CFAP97D2: variants seen among roughly 807,000 people sequenced by gnomAD.
The protein encoded by CFAP97D2 is CFAP97 domain containing 2.
chr13:114,190,550 C>T (rs2080865853), intron 1 of CFAP97D2, among the ~76,000 whole-genome samples: 1 of 151,844 alleles, frequency 6.6e-6, no homozygotes, highest in Non-Finnish European at 1.5e-5. Flanking sequence ...ATATTAGCAC[C>T]CAAAAAGTGA....
At position 114,203,757 on chromosome 13, in the gene CFAP97D2, C is replaced by T. The variant is rs61482428; in HGVS notation, c.290+3314C>T. Among the ~76,000 whole-genome samples, 5 of 152,142 alleles carry T rather than the reference C, an allele frequency of 3.3e-5. No individual in the cohort carries two copies. The highest frequency in any genetic ancestry group is 3.9e-4 in the East Asian group (2 of 5,184). ...CGTGGCTTCACCCGTTTCCCCAGTG[C>T]GCATGTGGGCATGTGCAGACAAGGC... On this transcript the variant is annotated intron_variant, in intron 3 of 4. Transcript: ENST00000646158. The surrounding 1 kb of genome is among the most constrained non-coding windows in gnomAD (Gnocchi z 4.3).
chr13:114,219,715 A>G (rs756641291), intron 4 of CFAP97D2, among the ~76,000 whole-genome samples: 2 of 152,190 alleles, frequency 1.3e-5, no homozygotes, highest in Admixed American at 6.5e-5. Context: ...TGCCTCCCCC[A>G]CTGCCCTGTA....
At position 114,196,582 on chromosome 13, in the gene CFAP97D2, C is replaced by T. The variant is rs1327681688; in HGVS notation, c.171+106C>T. 25 of 396,258 alleles carry T rather than the reference C, an allele frequency of 6.3e-5. 1 individual carries two copies. Among genetic ancestry groups the T allele is most frequent in the East Asian group, 3.2e-4 (9 of 28,000 alleles). The allele number at this position is 396,258 out of a possible 1,614,324, so 24.5% of individuals were successfully genotyped here. The stretch of plus-strand genomic sequence containing the variant: ...CAGGGTTAGTAAGGAATAAACTCAC[C>T]GAAGACAAAATGCAGTCTAGGTGAT... On this transcript the variant is annotated intron_variant, in intron 2 of 4. Coordinates refer to ENST00000646158, the Ensembl canonical transcript of CFAP97D2.
chr13:114,188,742 A>G (rs1393148508), intron 1 of CFAP97D2, among the ~76,000 whole-genome samples: 3 of 150,186 alleles, frequency 2.0e-5, no homozygotes, highest in Non-Finnish European at 4.4e-5. Context: ...GCGCCACTGC[A>G]CTCCAGCCTG....
intron 1 of CFAP97D2, among the ~76,000 whole-genome samples, chr13:114,182,450 C>CTT (rs2080838472): frequency 2.0e-5 from 3 of 151,996 alleles, no homozygotes; most frequent in Non-Finnish European, 4.4e-5. Context: ...CTGCAAGAGG[C>CTT]CTTCCTCTTT....
At chr13:114,200,565 G>A (rs1229767506) in intron 3 of CFAP97D2, 122 bp downstream of exon 3, 1 of 392,062 alleles carries the variant, frequency 2.6e-6, no homozygotes, top group Non-Finnish European at 4.5e-6. Flanking sequence ...GTCCTCTCCC[G>A]AAAACAGCCA....
At chr13:114,197,774 C>A (rs1197658155) in intron 2 of CFAP97D2, among the ~76,000 whole-genome samples, 2 of 152,154 alleles carry the variant, frequency 1.3e-5, no homozygotes, top group Non-Finnish European at 2.9e-5. Context: ...CCTCTGCCTC[C>A]CAGGTGCAAG....
intron 3 of CFAP97D2, among the ~76,000 whole-genome samples, chr13:114,202,848 T>C (rs987958132): frequency 2.6e-5 from 4 of 152,108 alleles, no homozygotes; most frequent in African/African-American, 7.2e-5. Context: ...AGGCATTGGT[T>C]CCATGCTGGG....
intron 3 of CFAP97D2, among the ~76,000 whole-genome samples, chr13:114,206,569 A>G (rs1192900030): frequency 6.6e-6 from 1 of 152,252 alleles, no homozygotes; most frequent in Non-Finnish European, 1.5e-5. Context: ...GAAAGAAGGC[A>G]GTCACAAAAG....
chr13:114,182,225 G>A (rs185985925), intron 1 of CFAP97D2, among the ~76,000 whole-genome samples: 5,966 of 135,542 alleles, frequency 0.044, 292 homozygotes, highest in Non-Finnish European at 0.063. Flanking sequence ...TACTATGCCT[G>A]GATGTGCACG....
intron 1 of CFAP97D2, among the ~76,000 whole-genome samples, chr13:114,194,594 C>T (rs1433176485): frequency 6.6e-6 from 1 of 151,952 alleles, no homozygotes; most frequent in Non-Finnish European, 1.5e-5. Context: ...GCACTCATTT[C>T]CCCCCCAAGA....
intron 3 of CFAP97D2, among the ~76,000 whole-genome samples, chr13:114,204,666 T>G (rs191537424): frequency 6.6e-6 from 1 of 152,028 alleles, no homozygotes; most frequent in Admixed American, 6.5e-5. Context: ...TCACACCATA[T>G]AGAAGAATTA....
intron 2 of CFAP97D2, among the ~76,000 whole-genome samples, chr13:114,198,840 G>T (rs1297932673): frequency 2.9e-5 from 2 of 68,752 alleles, no homozygotes; most frequent in African/African-American, 1.4e-4. Flanking sequence ...GTGACAGCGC[G>T]TCCCCGTGTG....
At chr13:114,215,996 C>G (rs1352295845) in intron 4 of CFAP97D2, among the ~76,000 whole-genome samples, 1 of 152,192 alleles carries the variant, frequency 6.6e-6, no homozygotes, top group East Asian at 1.9e-4. Context: ...TGAGATTTAA[C>G]AATCCCGCAC....
chr13:114,199,022 G>A (rs2080902886), intron 2 of CFAP97D2, among the ~76,000 whole-genome samples: 1 of 53,718 alleles, frequency 1.9e-5, no homozygotes, highest in Non-Finnish European at 3.1e-5. Context: ...TCCCCGCCGA[G>A]GGGTGACGGC....
intron 3 of CFAP97D2, among the ~76,000 whole-genome samples, chr13:114,208,323 C>T (rs1038916749): frequency 1.3e-5 from 2 of 152,188 alleles, no homozygotes; most frequent in East Asian, 1.9e-4. Flanking sequence ...TTTCGTGCCA[C>T]GACCTGCTTT....
At chr13:114,199,551 T>G (rs536460029) in intron 2 of CFAP97D2, among the ~76,000 whole-genome samples, 98 of 8,340 alleles carry the variant, frequency 0.012, no homozygotes, top group African/African-American at 0.018. Context: ...CGTCCCCGTG[T>G]GTACGGTCCC....
In CFAP97D2 at chr13:114,185,626, C is replaced by T. The variant is rs1452155452; in HGVS notation, c.90+6206C>T. On this transcript the variant is annotated intron_variant, in intron 1 of 4. Coordinates refer to ENST00000646158, the Ensembl canonical transcript of CFAP97D2. The surrounding 1 kb of genome is among the most constrained non-coding windows in gnomAD (Gnocchi z 5.2). Reference sequence around the variant, plus strand: ...GCTCAGAAGTGCCTGCTCCCACTGCCTGGCTTCTCCCCACTGTTGGCACCA... The same window carrying T: ...GCTCAGAAGTGCCTGCTCCCACTGCTTGGCTTCTCCCCACTGTTGGCACCA... Among the ~76,000 whole-genome samples the T allele has an allele frequency of 2.0e-5, 3 of 152,250 alleles. No individual in the cohort carries two copies. In the East Asian group the frequency reaches 5.8e-4, roughly 29 times the overall value.
chr13:114,191,360 C>G (rs1413895159), intron 1 of CFAP97D2, among the ~76,000 whole-genome samples: 1 of 152,012 alleles, frequency 6.6e-6, no homozygotes, highest in African/African-American at 2.4e-5. Flanking sequence ...AAAATATTCG[C>G]AAAAGATACG....
Sources: allele counts gnomAD v4.1 joint callset (sites outside exome capture counted in the v4.1 genomes callset), GRCh38; gene constraint gnomAD v4.1.1; non-coding constraint Gnocchi (gnomAD v3.1); transcripts MANE v1.5; gene names NCBI Gene and HGNC (gene_info 2026-07-23, HGNC 2026-07-21).